Variants in CAMSAP2 observed in about 807,000 individuals in gnomAD.
The protein encoded by CAMSAP2 is calmodulin regulated spectrin associated protein family member 2.
In CAMSAP2, 26 loss-of-function variants were observed where a neutral mutation model predicts 146.1. The observed-to-expected ratio is 0.18, with a 90% CI of 0.13 to 0.25. The LOEUF is 0.25. CAMSAP2 is among the 10% of genes least tolerant of loss of function. The pLI, the probability that CAMSAP2 is intolerant of heterozygous loss-of-function variation, is 1.00. For synonymous variants in CAMSAP2, 499 were observed against 596.6 expected (o/e 0.84, Z 2.38); for missense variants, 1,381 against 1,759.3 (o/e 0.78, Z 3.85).
At chr1:200,768,311 G>A (rs1665013944) in intron 2 of CAMSAP2, among the ~76,000 whole-genome samples, 1 of 152,224 alleles carries the variant, frequency 6.6e-6, no homozygotes, top group African/African-American at 2.4e-5. Context: ...AAAAGGGAGT[G>A]TGAGAGCATG....
At chr1:200,805,437 CA>C (rs1265006807) in intron 2 of CAMSAP2, among the ~76,000 whole-genome samples, 2 of 152,206 alleles carry the variant, frequency 1.3e-5, no homozygotes, top group African/African-American at 2.4e-5. Context: ...TAATATCCTA[CA>C]ACTGTCTATC....
rs1664059264 is a variant in CAMSAP2 at position 200,738,922 on chromosome 1, C to T, written c.-906C>T. Among the ~76,000 whole-genome samples the T allele has an allele frequency of 6.7e-6, 1 of 149,102 alleles. No individual in the cohort carries two copies. The highest frequency in any genetic ancestry group is 1.5e-5 in the Non-Finnish European group (1 of 67,468). On this transcript the variant is annotated 5_prime_UTR_variant, in exon 1 of 17. Coordinates refer to ENST00000358823, the MANE Select transcript of CAMSAP2 (RefSeq NM_203459.4). ...TCCGCATCTGCTCCTTCATCCAGTG[C>T]CGCAGCCGGAAAACCGCAGCGGCGG...
In CAMSAP2 at chr1:200,848,250, C is replaced by G. The variant is rs1434117754; in HGVS notation, c.1481C>G (p.Ser494Cys). 6.2e-7 allele frequency: 1 copy of G among 1,613,370 alleles called. No individual in the cohort carries two copies. The highest frequency in any genetic ancestry group is 2.2e-5 in the East Asian group (1 of 44,854). The change falls in exon 11 of 17, where the codon TCT (serine) becomes TGT (cysteine). Residue 494 changes from serine to cysteine, a missense_variant. Physicochemically the swap from Ser to Cys is moderately radical, Grantham distance 112. Transcript: ENST00000358823. ...ESIEEELNID[S>C]HSDLKSCVPL... ...ATTGAAGAAGAACTTAATATAGATTCTCACAGTGACCTCAAATCTTGTGTG... is the reference window on the plus strand; with the variant it reads ...ATTGAAGAAGAACTTAATATAGATTGTCACAGTGACCTCAAATCTTGTGTG...
intron 6 of CAMSAP2, among the ~76,000 whole-genome samples, chr1:200,839,174 A>G (rs893391291): frequency 6.6e-6 from 1 of 152,226 alleles, no homozygotes; most frequent in Non-Finnish European, 1.5e-5. Context: ...AGGAATATCA[A>G]ATGCAGCTGA....
intron 2 of CAMSAP2, among the ~76,000 whole-genome samples, chr1:200,763,545 A>AAACC (rs1166696427): frequency 6.6e-6 from 1 of 152,070 alleles, no homozygotes; most frequent in Non-Finnish European, 1.5e-5. Flanking sequence ...TTTGTCTTAA[A>AAACC]AACCAACCAA....
At chr1:200,811,572 C>T (rs1305357306) in intron 3 of CAMSAP2, among the ~76,000 whole-genome samples, 1 of 152,172 alleles carries the variant, frequency 6.6e-6, no homozygotes, top group Non-Finnish European at 1.5e-5. Flanking sequence ...CTTGCTTCTA[C>T]TTGCTCTTGG....
Position 200,853,727 on chromosome 1 carries a change from A to G in CAMSAP2, c.3823+232A>G, listed in dbSNP as rs1054536137. Among the ~76,000 whole-genome samples the G allele has an allele frequency of 1.1e-4, 16 of 152,234 alleles. No individual in the cohort carries two copies. The highest frequency in any genetic ancestry group is 3.9e-4 in the African/African-American group (16 of 41,462). On this transcript the variant is annotated intron_variant, in intron 13 of 16. Transcript: ENST00000358823. The surrounding 1 kb of genome is among the most constrained non-coding windows in gnomAD (Gnocchi z 5.1). ...TGTGAATGCTAAAAATCAAATCTAA[A>G]TATTAATCTATTAGGGAACTGTGCC...
chr1:200,760,540 T>G (rs927104329), intron 1 of CAMSAP2, among the ~76,000 whole-genome samples: 6 of 152,202 alleles, frequency 3.9e-5, no homozygotes, highest in Admixed American at 1.3e-4. Context: ...TCTGTAGATT[T>G]GACTATGAAT....
At position 200,832,255 on chromosome 1, in the gene CAMSAP2, T is replaced by C. The variant is rs1667062372; in HGVS notation, c.701T>C (p.Val234Ala). 1.9e-6 allele frequency: 3 copies of C among 1,613,754 alleles called. No individual in the cohort carries two copies. The highest frequency in any genetic ancestry group is 1.7e-5 in the Admixed American group (1 of 59,990). ...LLKQLPCIPL[V>A]ENLLKDGTDG... is the part of the protein sequence containing the mutation. ...AAGCAACTGCCTTGCATTCCATTGG[T>C]AGAAAATTTGTTGAAGGATGGGACA... The change falls in exon 5 of 17, where the codon GTA becomes GCA. Residue 234 changes from valine to alanine, a missense_variant. Transcript: ENST00000358823. The surrounding 1 kb of genome is among the most constrained non-coding windows in gnomAD (Gnocchi z 4.2).
chr1:200,817,241 T>TATGTGTGTGTATATAC (rs1266068149), intron 4 of CAMSAP2, among the ~76,000 whole-genome samples: 1 of 10,616 alleles, frequency 9.4e-5, no homozygotes, highest in African/African-American at 4.9e-4. Context: ...TATACACACA[T>TATGTGTGTGTATATAC]ACACACATAT....
intron 7 of CAMSAP2, among the ~76,000 whole-genome samples, chr1:200,843,290 G>A (rs1420797905): frequency 6.6e-6 from 1 of 152,138 alleles, no homozygotes; most frequent in African/African-American, 2.4e-5. Flanking sequence ...GTAGCCAAAG[G>A]GGAGGCATAG....
Position 200,761,031 on chromosome 1 carries a change from G to C in CAMSAP2, c.332G>C (p.Gly111Ala). ...GTAATCCAGGCTTTAGCACAGAAAG[G>C]TCTTTATGTCACTGACCAGGAAAAA... ...DAVIQALAQK[G>A]LYVTDQEKLV... Residue 111 changes from glycine to alanine, a missense_variant, in exon 2 of 17, where the codon GGT becomes GCT. Coordinates refer to ENST00000358823, the MANE Select transcript of CAMSAP2 (RefSeq NM_203459.4). 6.2e-7 allele frequency: 1 copy of C among 1,614,004 alleles called. No homozygotes were observed. Among genetic ancestry groups the C allele is most frequent in the Non-Finnish European group, 8.5e-7 (1 of 1,179,952 alleles).
chr1:200,816,250 T>C (rs973219840), intron 4 of CAMSAP2, among the ~76,000 whole-genome samples: 1 of 151,236 alleles, frequency 6.6e-6, no homozygotes, highest in Non-Finnish European at 1.5e-5. Flanking sequence ...ATCATGCCAC[T>C]GCACTCCAGC....
intron 11 of CAMSAP2, among the ~76,000 whole-genome samples, chr1:200,852,305 A>G (rs1667640931): frequency 6.6e-6 from 1 of 152,246 alleles, no homozygotes; most frequent in East Asian, 1.9e-4. Context: ...TGCAAATCTC[A>G]TAGGTTTTGA....
intron 11 of CAMSAP2, 25 bp downstream of exon 11, chr1:200,850,259 TG>T (rs1239480663): frequency 2.0e-6 from 3 of 1,524,152 alleles, no homozygotes. Flanking sequence ...TGCATAGTTT[TG>T]GGCATCTTCA....
At chr1:200,781,354 T>C (rs1393848096) in intron 2 of CAMSAP2, among the ~76,000 whole-genome samples, 2 of 152,174 alleles carry the variant, frequency 1.3e-5, no homozygotes, top group African/African-American at 4.8e-5. Context: ...AGCAATTATG[T>C]TGAGTGGTGG....
intron 9 of CAMSAP2, 116 bp downstream of exon 9, chr1:200,847,408 TG>T (rs1667487548): frequency 7.7e-6 from 6 of 780,560 alleles, no homozygotes; most frequent in East Asian, 2.6e-5. Flanking sequence ...TGTGTGTGTG[TG>T]TTTTTTTGTT....
chr1:200,854,760 T>C, intron 13 of CAMSAP2, 57 bp from the exon 14 acceptor site: 2 of 1,395,316 alleles, frequency 1.4e-6, no homozygotes, highest in Non-Finnish European at 2.0e-6. Flanking sequence ...TAGTTGCTCC[T>C]TTTAAATTTC....
In CAMSAP2 at chr1:200,739,651, G is replaced by T; in HGVS notation, c.-177G>T. 1 of 446,856 alleles carries T rather than the reference G, an allele frequency of 2.2e-6. No homozygotes were observed. The highest frequency in any genetic ancestry group is 9.7e-5 in the South Asian group (1 of 10,260). 27.7% of individuals were successfully genotyped at this position (446,856 alleles called of 1,614,324 possible). On this transcript the variant is annotated 5_prime_UTR_variant, in exon 1 of 17. Transcript: ENST00000358823. This position sits in a 1 kb window ranked among gnomAD's most constrained non-coding sequence, Gnocchi z 4.8. ...GGCGGCGGCGGCGGCGGCTCCCGCG[G>T]GAGGCGGCAGGCGCGCGGCGCGGAC...
Sources: allele counts gnomAD v4.1 joint callset (sites outside exome capture counted in the v4.1 genomes callset), GRCh38; gene constraint gnomAD v4.1.1; non-coding constraint Gnocchi (gnomAD v3.1); transcripts MANE v1.5; gene names NCBI Gene and HGNC (gene_info 2026-07-23, HGNC 2026-07-21).